The following SRSF11 variants were observed in gnomAD, a reference collection of about 807,000 sequenced individuals.
SRSF11 encodes serine and arginine rich splicing factor 11.
SRSF11 carries 9 observed loss-of-function variants against 56.0 expected under a neutral mutation model. That is an observed-to-expected ratio of 0.16 (90% CI 0.10 to 0.28). SRSF11 has a LOEUF of 0.28. SRSF11 is among the 10% of genes least tolerant of loss of function. SRSF11 has a pLI of 1.00. For missense variants in SRSF11, 421 were observed against 600.7 expected, an observed-to-expected ratio of 0.70 and a Z score of 3.13; for synonymous variants, 222 against 215.3, an observed-to-expected ratio of 1.03 and a Z score of -0.27.
chr1:70,241,985 A>G (rs1675523992), intron 7 of SRSF11, among the ~76,000 whole-genome samples: 1 of 152,058 alleles, frequency 6.6e-6, no homozygotes, highest in Non-Finnish European at 1.5e-5. Context: ...TGGCCAACAT[A>G]GTGAAACCCC....
intron 9 of SRSF11, 128 bp downstream of exon 9, chr1:70,247,035 C>A: frequency 9.0e-7 from 1 of 1,111,564 alleles, no homozygotes; most frequent in Non-Finnish European, 1.2e-6. Context: ...TTACATTTTG[C>A]TGTTATTTAA....
At chr1:70,218,175 A>C (rs1397261234), upstream of SRSF11, among the ~76,000 whole-genome samples, 1 of 151,986 alleles carries the variant, frequency 6.6e-6, no homozygotes, top group African/African-American at 2.4e-5. Flanking sequence ...TCACCATGTT[A>C]GCCAGGATGG....
chr1:70,238,495 G>GA (rs1674611544), intron 6 of SRSF11, among the ~76,000 whole-genome samples: 1 of 152,162 alleles, frequency 6.6e-6, no homozygotes, highest in African/African-American at 2.4e-5. Flanking sequence ...AGTGAATGTA[G>GA]AATACAATGA....
chr1:70,231,372 T>G, intron 2 of SRSF11: 9 of 1,056,230 alleles, frequency 8.5e-6, no homozygotes, highest in Non-Finnish European at 1.0e-5. Context: ...GAATTTAAAT[T>G]GTCTACATAA....
Position 70,250,856 on chromosome 1 carries a change from TTG to T in SRSF11, c.*56_*57del, listed in dbSNP as rs763599821. On this transcript the variant is annotated 3_prime_UTR_variant, in exon 12 of 12. Transcript: ENST00000370949. ...GTATACCTGCATCAGTGTCATTCCT[TTG>T]TGTGATTTCTTAATGCTGTATTTGT... 60 of 1,502,842 alleles carry T rather than the reference TTG, an allele frequency of 4.0e-5. No homozygotes were observed. The highest frequency in any genetic ancestry group is 5.5e-5 in the Non-Finnish European group (59 of 1,082,494). The allele number at this position is 1,502,842 out of a possible 1,614,324, so 93.1% of individuals were successfully genotyped here.
At chr1:70,216,636 G>A (rs716241), upstream of SRSF11, among the ~76,000 whole-genome samples, 89 of 151,864 alleles carry the variant, frequency 5.9e-4, no homozygotes, top group African/African-American at 2.0e-3. Context: ...GTTTCTTTGC[G>A]TTGCCAGGCT....
intron 8 of SRSF11, among the ~76,000 whole-genome samples, 173 bp downstream of exon 8, chr1:70,244,988 T>A (rs960280993): frequency 6.6e-6 from 1 of 152,246 alleles, no homozygotes; most frequent in Non-Finnish European, 1.5e-5. Context: ...TGGTGCTTCC[T>A]TGTAAACTGA....
chr1:70,247,914 G>A (rs1677122601), intron 9 of SRSF11, among the ~76,000 whole-genome samples: 1 of 152,078 alleles, frequency 6.6e-6, no homozygotes, highest in Admixed American at 6.6e-5. Flanking sequence ...CATAAAATCT[G>A]TTCAACATCA....
intron 1 of SRSF11, among the ~76,000 whole-genome samples, chr1:70,207,944 C>G (rs998060142): frequency 1.3e-5 from 2 of 152,038 alleles, no homozygotes; most frequent in Non-Finnish European, 2.9e-5. Flanking sequence ...CTCCTGGCCT[C>G]AAGCTATCCT....
At chr1:70,212,279 T>C (rs1197809173) in intron 1 of SRSF11, among the ~76,000 whole-genome samples, 1 of 152,144 alleles carries the variant, frequency 6.6e-6, no homozygotes, top group Non-Finnish European at 1.5e-5. Flanking sequence ...ATTTTTGAGA[T>C]GCAGTCTCAC....
intron 9 of SRSF11, among the ~76,000 whole-genome samples, chr1:70,247,533 G>A (rs528192888): frequency 3.3e-5 from 5 of 151,944 alleles, no homozygotes; most frequent in Admixed American, 6.6e-5. Context: ...CTAGGAGAAG[G>A]TTCATGCCAT....
Position 70,221,822 on chromosome 1 carries a change from G to A in SRSF11, c.186G>A (p.Leu62=). The change falls in exon 1 of 12, where the codon CTG becomes CTA. Residue 62 remains leucine (L), a synonymous_variant. Coordinates refer to ENST00000370949, the MANE Select transcript of SRSF11 (RefSeq NM_001350605.2). Reference sequence around the variant, plus strand: ...GTTTCCTAGGCAAGATCGACGAACTGCGCCTCTTCCCGCCGGAGTGAGTAT... The same window carrying A: ...GTTTCCTAGGCAAGATCGACGAACTACGCCTCTTCCCGCCGGAGTGAGTAT... ...LFGFLGKIDE[L]RLFPPDDSPL... 6.2e-7 allele frequency: 1 copy of A among 1,613,916 alleles called. No homozygotes were observed. The highest frequency in any genetic ancestry group is 1.3e-5 in the African/African-American group (1 of 75,036).
chr1:70,220,275 T>C (rs1670409065), upstream of SRSF11, among the ~76,000 whole-genome samples: 1 of 152,260 alleles, frequency 6.6e-6, no homozygotes, highest in Non-Finnish European at 1.5e-5. Context: ...AGATGAGTGA[T>C]GTTATTAATA....
chr1:70,248,208 T>C (rs74088035), intron 9 of SRSF11, among the ~76,000 whole-genome samples: 13,988 of 152,132 alleles, frequency 0.092, 803 homozygotes, highest in East Asian at 0.3. Context: ...AGAAAAACTT[T>C]TATGTGAATG....
In SRSF11 at chr1:70,221,688, G is replaced by T; in HGVS notation, c.52G>T (p.Gly18Trp). Residue 18 changes from glycine to tryptophan, a missense_variant, in exon 1 of 12, where the codon GGG becomes TGG. By Grantham distance (184) the Gly-to-Trp change is radical (BLOSUM62 -2). Transcript: ENST00000370949. ...CACTGCAGGTCCGGGCCCCAGCGGC[G>T]GGCCCGGTGGCGGAGGTGGTGGTGG... ...PSTAGPGPSGGPGGGGGGGGG... is the reference protein window; with the variant it reads ...PSTAGPGPSGWPGGGGGGGGG... 6.2e-7 allele frequency: 1 copy of T among 1,611,784 alleles called. No homozygotes were observed. The highest frequency in any genetic ancestry group is 8.5e-7 in the Non-Finnish European group (1 of 1,178,428).
In SRSF11 at chr1:70,252,029, G is replaced by T. The variant is rs931259134; in HGVS notation, c.*1224G>T. On this transcript the variant is annotated 3_prime_UTR_variant, in exon 12 of 12. Coordinates refer to ENST00000370949, the MANE Select transcript of SRSF11 (RefSeq NM_001350605.2). ...TTCATGTTCCTGTAAAACCGTATTT[G>T]TATTTATTTACGCTACTGAATGTAT... 1 of 152,500 alleles carries T rather than the reference G, an allele frequency of 6.6e-6. No individual in the cohort carries two copies. The highest frequency in any genetic ancestry group is 1.5e-5 in the Non-Finnish European group (1 of 67,968). The allele number at this position is 152,500 out of a possible 1,614,324, so 9.4% of individuals were successfully genotyped here.
chr1:70,236,827 G>A (rs1674191386), intron 5 of SRSF11, among the ~76,000 whole-genome samples: 4 of 90,654 alleles, frequency 4.4e-5, no homozygotes, highest in South Asian at 3.7e-4. Flanking sequence ...TTTTTGAGAC[G>A]AAATCTCACT....
intron 1 of SRSF11, among the ~76,000 whole-genome samples, chr1:70,207,746 G>GCC (rs1669183820): frequency 7.0e-6 from 1 of 141,910 alleles, no homozygotes; most frequent in African/African-American, 2.6e-5. Flanking sequence ...TTTTTTAAGA[G>GCC]ACCAGGTCTC....
chr1:70,248,311 A>G (rs1677205778), intron 9 of SRSF11: 1 of 152,158 alleles, frequency 6.6e-6, no homozygotes, highest in South Asian at 2.1e-4. Flanking sequence ...AATATTTTTC[A>G]GTGATAAATA....
Sources: allele counts gnomAD v4.1 joint callset (sites outside exome capture counted in the v4.1 genomes callset), GRCh38; gene constraint gnomAD v4.1.1; transcripts MANE v1.5; gene names NCBI Gene and HGNC (gene_info 2026-07-23, HGNC 2026-07-21).